PRKD1: variants seen among roughly 807,000 people sequenced by gnomAD.
PRKD1 encodes serine/threonine-protein kinase D1.
Under a neutral mutation model 95.9 loss-of-function variants are expected in PRKD1, and 63 were observed. That is an observed-to-expected ratio of 0.66 (90% CI 0.54 to 0.81). The LOEUF (loss-of-function observed/expected upper bound fraction) is 0.81. Among genes scored for constraint, PRKD1 ranks in the 30% least tolerant of loss-of-function variants. The probability of loss-of-function intolerance (pLI) is 0.00; values close to 1 mark genes in which losing one functional copy is unlikely to be tolerated. For missense variants in PRKD1, 1,048 were observed against 1,165.3 expected (o/e 0.90, Z 1.47); for synonymous variants, 425 against 423.1 (o/e 1.00, Z -0.05).
chr14:29,895,069 C>T (rs575597118), intron 1 of PRKD1, among the ~76,000 whole-genome samples: 3 of 152,334 alleles, frequency 2.0e-5, no homozygotes, highest in East Asian at 3.9e-4. Context: ...CTGTGGCTCA[C>T]GCCTGTAATC....
intron 1 of PRKD1, among the ~76,000 whole-genome samples, chr14:29,829,965 T>C (rs1016647940): frequency 2.6e-5 from 4 of 152,196 alleles, no homozygotes; most frequent in African/African-American, 9.6e-5. Flanking sequence ...AGTAGCAATG[T>C]TTTGTGCAGA....
chr14:29,793,977 T>A (rs973233669), intron 1 of PRKD1, among the ~76,000 whole-genome samples: 6 of 152,056 alleles, frequency 3.9e-5, no homozygotes, highest in African/African-American at 1.4e-4. Flanking sequence ...AAGCAGATCT[T>A]TACTGTGGCC....
chr14:29,621,678 G>A (rs1385786794), intron 13 of PRKD1, among the ~76,000 whole-genome samples: 1 of 152,170 alleles, frequency 6.6e-6, no homozygotes, highest in Non-Finnish European at 1.5e-5. Context: ...GAGCATAGCT[G>A]AGTGATATAA....
chr14:29,775,381 G>A (rs1378819996), intron 1 of PRKD1, among the ~76,000 whole-genome samples: 1 of 152,188 alleles, frequency 6.6e-6, no homozygotes, highest in African/African-American at 2.4e-5. Flanking sequence ...AAGGGTCAGG[G>A]AATTCCCTTT....
Position 29,927,624 on chromosome 14 carries a change from A to G in PRKD1, c.-112T>C, listed in dbSNP as rs1895358670. ...CTTCTTTCTCCGAGAGCCCAGACGG[A>G]AAATAAAAACTTTCCGGAAAAGTCC... On this transcript the variant is annotated 5_prime_UTR_variant, in exon 1 of 18. Transcript: ENST00000331968. The G allele has an allele frequency of 7.7e-6, 7 of 912,648 alleles. No homozygotes were observed. Among genetic ancestry groups the G allele is most frequent in the Non-Finnish European group, 9.4e-6 (7 of 744,152 alleles). The allele number at this position is 912,648 out of a possible 1,614,324, so 56.5% of individuals were successfully genotyped here.
rs1244141439 is a variant in PRKD1, at chr14:29,927,338, G to C, written c.175C>G (p.Arg59Gly). ...TCCTGCAGCAGCAGCACCGGCTCAC[G>C]GCTCAGGCCGATCTGCAGATGGAAC... Reference protein sequence around the residue: ...ISFHLQIGLSREPVLLLQDSS... With the variant: ...ISFHLQIGLSGEPVLLLQDSS... Residue 59 changes from arginine (R) to glycine (G), a missense_variant, in exon 1 of 18, where the codon CGT becomes GGT. Transcript: ENST00000331968. The C allele has an allele frequency of 6.4e-7, 1 of 1,566,152 alleles. No homozygotes were observed. Among genetic ancestry groups the C allele is most frequent in the East Asian group, 2.5e-5 (1 of 40,304 alleles).
intron 2 of PRKD1, among the ~76,000 whole-genome samples, chr14:29,671,360 A>C (rs1882832453): frequency 6.6e-6 from 1 of 152,160 alleles, no homozygotes; most frequent in African/African-American, 2.4e-5. Context: ...GAATGCAAGT[A>C]AGTGGCTCCG....
At chr14:29,584,221 C>G (rs1892840649) in intron 16 of PRKD1, among the ~76,000 whole-genome samples, 1 of 152,118 alleles carries the variant, frequency 6.6e-6, no homozygotes. Context: ...TGAAGTTGCA[C>G]AAACTATACT....
At chr14:29,701,357 A>G (rs1347284302) in intron 2 of PRKD1, among the ~76,000 whole-genome samples, 1 of 152,184 alleles carries the variant, frequency 6.6e-6, no homozygotes, top group Non-Finnish European at 1.5e-5. Context: ...TGCACAGTAC[A>G]CTTGAGAAGC....
chr14:29,859,607 CAA>C lies in PRKD1; in HGVS notation c.264+67640_264+67641del, dbSNP rs60316151. ...TGGGCAACAGAGCAAGACTCTGTCT[CAA>C]AAAAAAAAAAAAAATCTGACAGTAA... On this transcript the variant is annotated intron_variant, in intron 1 of 17. Coordinates refer to ENST00000331968, the MANE Select transcript of PRKD1 (RefSeq NM_002742.3). Among the ~76,000 whole-genome samples the C allele has an allele frequency of 7.8e-4, 97 of 124,554 alleles. 1 individual carries two copies. Among genetic ancestry groups the C allele is most frequent in the African/African-American group, 1.6e-3 (59 of 36,996 alleles). 81.7% of individuals were successfully genotyped at this position (124,554 alleles called of 152,430 possible).
intron 10 of PRKD1, among the ~76,000 whole-genome samples, chr14:29,629,870 T>C (rs1879867756): frequency 1.3e-5 from 2 of 152,018 alleles, no homozygotes; most frequent in Non-Finnish European, 1.5e-5. Context: ...TAGGGAAACT[T>C]ATTAATTCAG....
At position 29,584,827 on chromosome 14, in the gene PRKD1, G is replaced by A. The variant is rs1892861678; in HGVS notation, c.2435-6467C>T. Among the ~76,000 whole-genome samples the A allele has an allele frequency of 2.0e-5, 3 of 149,112 alleles. No individual in the cohort carries two copies. The Admixed American group carries it at 2.0e-4, about 10-fold the overall frequency. On this transcript the variant is annotated intron_variant, in intron 16 of 17. Coordinates refer to ENST00000331968, the MANE Select transcript of PRKD1 (RefSeq NM_002742.3). ...AATCAGTGTGATGCTGAGTGTAACT[G>A]CCATGCAGATTATGTTTATTTTACA...
chr14:29,844,507 G>A (rs1255886209), intron 1 of PRKD1, among the ~76,000 whole-genome samples: 1 of 151,926 alleles, frequency 6.6e-6, no homozygotes, highest in East Asian at 1.9e-4. Flanking sequence ...TAATAATATG[G>A]GAAAACAATG....
At chr14:29,830,082 GA>G (rs1210844078) in intron 1 of PRKD1, among the ~76,000 whole-genome samples, 2 of 152,130 alleles carry the variant, frequency 1.3e-5, no homozygotes, top group Non-Finnish European at 2.9e-5. Context: ...TGAATTCAAA[GA>G]TTAGAAACAG....
intron 1 of PRKD1, among the ~76,000 whole-genome samples, chr14:29,739,625 T>C (rs1362484709): frequency 6.6e-6 from 1 of 152,218 alleles, no homozygotes; most frequent in Non-Finnish European, 1.5e-5. Flanking sequence ...TTCTAAAGTT[T>C]GTTGTCCTAC....
intron 2 of PRKD1, among the ~76,000 whole-genome samples, chr14:29,685,822 G>GA (rs961860632): frequency 1.3e-5 from 2 of 151,724 alleles, no homozygotes; most frequent in South Asian, 2.1e-4. Context: ...TTATGCTTAG[G>GA]AAAAAAACAT....
chr14:29,865,142 T>C (rs947858601), intron 1 of PRKD1, among the ~76,000 whole-genome samples: 1 of 152,196 alleles, frequency 6.6e-6, no homozygotes, highest in African/African-American at 2.4e-5. Flanking sequence ...ATATGCAAGA[T>C]GCAATGGACT....
At chr14:29,866,606 G>A (rs1191308674) in intron 1 of PRKD1, among the ~76,000 whole-genome samples, 1 of 152,180 alleles carries the variant, frequency 6.6e-6, no homozygotes, top group Non-Finnish European at 1.5e-5. Context: ...GCATGTTTAG[G>A]GGAGAGACAG....
chr14:29,790,057 G>T (rs1256869313), intron 1 of PRKD1, among the ~76,000 whole-genome samples: 7 of 140,638 alleles, frequency 5.0e-5, no homozygotes, highest in African/African-American at 1.9e-4. Context: ...CTGTCGCCAG[G>T]CTGGAGTGCA....
Sources: allele counts gnomAD v4.1 joint callset (sites outside exome capture counted in the v4.1 genomes callset), GRCh38; gene constraint gnomAD v4.1.1; transcripts MANE v1.5; gene names NCBI Gene and HGNC (gene_info 2026-07-23, HGNC 2026-07-21).